Variants in BAG4 observed in about 807,000 individuals in gnomAD.
The protein encoded by BAG4 is BAG cochaperone 4, also known as BAG family molecular chaperone regulator 4.
In BAG4, 28 loss-of-function variants were observed where a neutral mutation model predicts 52.1. The ratio of observed to expected loss-of-function variants is 0.54; its 90% confidence interval spans 0.40 to 0.74. The LOEUF is 0.74. BAG4 is among the 30% of genes least tolerant of loss of function. The pLI is 0.00. For synonymous variants in BAG4, 208 were observed against 217.0 expected, an observed-to-expected ratio of 0.96 and a Z score of 0.37; for missense variants, 525 against 572.0, an observed-to-expected ratio of 0.92 and a Z score of 0.84.
chr8:38,207,849 T>C (rs750810948), intron 3 of BAG4, 83 bp downstream of exon 3: 4 of 1,481,542 alleles, frequency 2.7e-6, no homozygotes, highest in Non-Finnish European at 3.6e-6. Flanking sequence ...TTCATACTAG[T>C]GCTGATTTAA....
chr8:38,209,847 G>A (rs1473382233), intron 4 of BAG4, among the ~76,000 whole-genome samples, 161 bp from the exon 5 acceptor site: 1 of 150,270 alleles, frequency 6.7e-6, no homozygotes, highest in Non-Finnish European at 1.5e-5. Context: ...TCTTAGGACT[G>A]TGTTTTTTTG....
intron 1 of BAG4, among the ~76,000 whole-genome samples, chr8:38,190,364 A>T (rs1368070430): frequency 1.3e-5 from 2 of 152,218 alleles, no homozygotes; most frequent in African/African-American, 2.4e-5. Context: ...AAAGATGTCC[A>T]TTCAGAAAAC....
At position 38,210,531 on chromosome 8, in the gene BAG4, G is replaced by C; in HGVS notation, c.*38G>C. 1 of 1,524,490 alleles carries C rather than the reference G, an allele frequency of 6.6e-7. No individual in the cohort carries two copies. The highest frequency in any genetic ancestry group is 1.3e-5 in the South Asian group (1 of 74,612). 94.4% of individuals were successfully genotyped at this position (1,524,490 alleles called of 1,614,324 possible). ...CAAAGTGGAAGCCTGTTACTAACTT[G>C]ACCAAAGAACACTTGATTTGGTTAA... On this transcript the variant is annotated 3_prime_UTR_variant, in exon 5 of 5. Transcript: ENST00000287322.
intron 2 of BAG4, 129 bp downstream of exon 2, chr8:38,192,924 C>T (rs1165216213): frequency 3.3e-6 from 2 of 599,396 alleles, no homozygotes; most frequent in African/African-American, 3.8e-5. Flanking sequence ...CTCCATCAAT[C>T]TCATCTTAAT....
At chr8:38,177,703 T>TA (rs1803188420) in intron 1 of BAG4, among the ~76,000 whole-genome samples, 1 of 152,230 alleles carries the variant, frequency 6.6e-6, no homozygotes, top group East Asian at 1.9e-4. Flanking sequence ...GACTGCAAGG[T>TA]AAAATGGCAT....
At position 38,176,855 on chromosome 8, in the gene BAG4, A is replaced by C; in HGVS notation, c.-15A>C. 6.7e-7 allele frequency: 1 copy of C among 1,481,584 alleles called. No individual in the cohort carries two copies. The allele number at this position is 1,481,584 out of a possible 1,614,324, so 91.8% of individuals were successfully genotyped here. On this transcript the variant is annotated 5_prime_UTR_variant, in exon 1 of 5. Transcript: ENST00000287322. ...TGGGGAGCGGGGCGGGAAGCGCTTC[A>C]GGGCAGCGGATCCCATGTCGGCCCT...
chr8:38,186,560 C>A (rs958738188), intron 1 of BAG4, among the ~76,000 whole-genome samples: 1 of 152,108 alleles, frequency 6.6e-6, no homozygotes, highest in African/African-American at 2.4e-5. Context: ...AACTAGTAGG[C>A]CAGCTAGTTT....
At chr8:38,209,933 G>A in intron 4 of BAG4, 75 bp from the exon 5 acceptor site, 1 of 1,533,286 alleles carries the variant, frequency 6.5e-7, no homozygotes. Context: ...AGTGAAAGAT[G>A]TGGGCTAACA....
At chr8:38,201,865 TATATATATATA>T (rs1563284089) in intron 2 of BAG4, 30 of 9,142 alleles carry the variant, frequency 3.3e-3, no homozygotes, top group Non-Finnish European at 7.7e-3. Context: ...TATATATATA[TATATATATATA>T]TATATTTTTT....
At chr8:38,177,180 C>A (rs772731815) in intron 1 of BAG4, 41 bp downstream of exon 1, 345 of 1,600,694 alleles carry the variant, frequency 2.2e-4, no homozygotes, top group Non-Finnish European at 2.8e-4. Flanking sequence ...AGGTGAGGGC[C>A]CTTGGGGCTG....
At chr8:38,197,840 C>T (rs1262218318) in intron 2 of BAG4, among the ~76,000 whole-genome samples, 1 of 151,998 alleles carries the variant, frequency 6.6e-6, no homozygotes, top group Admixed American at 6.6e-5. Flanking sequence ...GCTGGGACTA[C>T]AGGCGTGTGC....
At chr8:38,181,060 C>T (rs368563947) in intron 1 of BAG4, among the ~76,000 whole-genome samples, 2 of 151,380 alleles carry the variant, frequency 1.3e-5, no homozygotes, top group African/African-American at 4.9e-5. Context: ...CCTGCCTCAG[C>T]CTCCCGAGTA....
rs1054877244 is a variant in BAG4 at position 38,180,908 on chromosome 8, G to A, written c.270+3769G>A. 7.9e-5 allele frequency among the ~76,000 whole-genome samples: 12 copies of A among 151,298 alleles called. No homozygotes were observed. In the South Asian group the frequency reaches 1.9e-3, roughly 24 times the overall value. On this transcript the variant is annotated intron_variant, in intron 1 of 4. Coordinates refer to ENST00000287322, the MANE Select transcript of BAG4 (RefSeq NM_004874.4). ...GACTTGACTATATTAACACATTTAA[G>A]TATGGCAGGGAAAAAATTAGAAATC...
Position 38,192,740 on chromosome 8 carries a change from G to T in BAG4, c.323G>T (p.Arg108Ile), listed in dbSNP as rs1230628154. The change falls in exon 2 of 5, where the codon AGA becomes ATA. Residue 108 changes from arginine (R) to isoleucine (I), a missense_variant. By Grantham distance (97) the Arg-to-Ile change is moderately conservative. This residue lies in a region of BAG4 where 287 missense variants were observed against 266.1 expected (regional missense o/e 1.08). Coordinates refer to ENST00000287322, the MANE Select transcript of BAG4 (RefSeq NM_004874.4). ...YNSNYWNSTA[R>I]SRAPYPSTYP... The stretch of plus-strand genomic sequence containing the variant: ...TCTAACTATTGGAATTCTACTGCGA[G>T]ATCTAGGGCTCCTTACCCAAGTACA... The T allele has an allele frequency of 1.2e-6, 2 of 1,613,644 alleles. No homozygotes were observed. The highest frequency in any genetic ancestry group is 1.1e-5 in the South Asian group (1 of 90,994).
intron 2 of BAG4, among the ~76,000 whole-genome samples, chr8:38,194,807 T>C (rs1034682841): frequency 1.3e-5 from 2 of 151,722 alleles, no homozygotes; most frequent in African/African-American, 4.8e-5. Flanking sequence ...ATTTCCATTA[T>C]ATTTTTTTAT....
At chr8:38,177,287 T>C (rs938205234) in intron 1 of BAG4, 148 bp downstream of exon 1, 16 of 1,079,684 alleles carry the variant, frequency 1.5e-5, no homozygotes, top group Non-Finnish European at 1.7e-5. Context: ...GATCAGAGGT[T>C]GGGGGGACAT....
At chr8:38,196,419 C>T (rs1365332005) in intron 2 of BAG4, among the ~76,000 whole-genome samples, 3 of 151,724 alleles carry the variant, frequency 2.0e-5, no homozygotes, top group Non-Finnish European at 1.5e-5. Flanking sequence ...TTTGGGAGGC[C>T]GAGGCAGGCA....
intron 1 of BAG4, among the ~76,000 whole-genome samples, chr8:38,188,995 G>T (rs574437071): frequency 6.7e-6 from 1 of 148,240 alleles, no homozygotes; most frequent in African/African-American, 2.5e-5. Context: ...GTCTCACCCT[G>T]TTGCCCAGGC....
At chr8:38,194,374 C>T (rs938949356) in intron 2 of BAG4, among the ~76,000 whole-genome samples, 4 of 148,554 alleles carry the variant, frequency 2.7e-5, no homozygotes, top group African/African-American at 7.5e-5. Flanking sequence ...ATAAGAATTT[C>T]CTTAGGGTCT....
Sources: allele counts gnomAD v4.1 joint callset (sites outside exome capture counted in the v4.1 genomes callset), GRCh38; gene constraint gnomAD v4.1.1; regional missense constraint gnomAD v4.1.1; transcripts MANE v1.5; gene names NCBI Gene and HGNC (gene_info 2026-07-23, HGNC 2026-07-21).